Variants in GGT7 observed in about 807,000 individuals in gnomAD.
GGT7 encodes glutathione hydrolase 7.
GGT7 carries 30 observed loss-of-function variants against 69.2 expected under a neutral mutation model. The ratio of observed to expected loss-of-function variants is 0.43; its 90% CI spans 0.32 to 0.59. GGT7 has a LOEUF of 0.59. GGT7 is among the 20% of genes least tolerant of loss of function. The probability of loss-of-function intolerance (pLI) is 0.05; values close to 1 mark genes in which losing one functional copy is unlikely to be tolerated. For synonymous variants in GGT7, 388 were observed against 391.8 expected (o/e 0.99, Z 0.12); for missense variants, 733 against 901.1 (o/e 0.81, Z 2.39).
rs1391686862 is a variant in GGT7, at chr20:34,872,778, A to G, written c.38T>C (p.Leu13Pro). 7 of 1,424,088 alleles carry G rather than the reference A, an allele frequency of 4.9e-6. No homozygotes were observed. The highest frequency in any genetic ancestry group is 6.5e-6 in the Non-Finnish European group (7 of 1,083,540). The allele number at this position is 1,424,088 out of a possible 1,614,324, so 88.2% of individuals were successfully genotyped here. A position where few individuals can be genotyped will look rare whatever the true frequency, so the allele number is the denominator to read the frequency against. Reference protein sequence around the residue: ...AENEASQESALGAYSPVDYMS... With the variant: ...AENEASQESAPGAYSPVDYMS... Reference sequence around the variant, plus strand: ...GTAGTCCACTGGCGAGTAGGCGCCCAGGGCGCTCTCCTGGCTGGCCTCGTT... The same window carrying G: ...GTAGTCCACTGGCGAGTAGGCGCCCGGGGCGCTCTCCTGGCTGGCCTCGTT... The change falls in exon 1 of 15, where the codon CTG (leucine) becomes CCG (proline). Residue 13 changes from leucine (L) to proline (P), a missense_variant. Physicochemically the swap from Leu to Pro is moderately conservative, Grantham distance 98. Coordinates refer to ENST00000336431, the MANE Select transcript of GGT7 (RefSeq NM_178026.3).
chr20:34,863,825 C>T lies in GGT7; in HGVS notation c.170-277G>A. The T allele has an allele frequency of 4.6e-6, 3 of 657,736 alleles. No homozygotes were observed. Among genetic ancestry groups the T allele is most frequent in the Non-Finnish European group, 8.6e-6 (3 of 348,276 alleles). The allele number at this position is 657,736 out of a possible 1,614,324, so 40.7% of individuals were successfully genotyped here. A position where few individuals can be genotyped will look rare whatever the true frequency, so the allele number is the denominator to read the frequency against. On this transcript the variant is annotated intron_variant, in intron 1 of 14. Transcript: ENST00000336431. This position sits in a 1 kb window ranked among gnomAD's most constrained non-coding sequence, Gnocchi z 4.4. ...AGGCCAAATTTCCTGGCACCCAGGG[C>T]CCAGGGCTGAGAACACTTCCTGGGG...
chr20:34,872,774 G>A lies in GGT7; in HGVS notation c.42C>T (p.Gly14=). The change falls in exon 1 of 15, where the codon GGC becomes GGT. Residue 14 remains glycine (G), a synonymous_variant. Coordinates refer to ENST00000336431, the MANE Select transcript of GGT7 (RefSeq NM_178026.3). Reference sequence around the variant, plus strand: ...TCATGTAGTCCACTGGCGAGTAGGCGCCCAGGGCGCTCTCCTGGCTGGCCT... The same window carrying A: ...TCATGTAGTCCACTGGCGAGTAGGCACCCAGGGCGCTCTCCTGGCTGGCCT... ...ENEASQESAL[G]AYSPVDYMSI... The A allele has an allele frequency of 1.4e-6, 2 of 1,427,412 alleles. No individual in the cohort carries two copies. Among genetic ancestry groups the A allele is most frequent in the African/African-American group, 1.5e-5 (1 of 66,910 alleles). The allele number at this position is 1,427,412 out of a possible 1,614,324, so 88.4% of individuals were successfully genotyped here. A position where few individuals can be genotyped will look rare whatever the true frequency, so the allele number is the denominator to read the frequency against.
At position 34,846,600 on chromosome 20, in the gene GGT7, G is replaced by A. The variant is rs568134348; in HGVS notation, c.1826-1109C>T. On this transcript the variant is annotated intron_variant, in intron 14 of 14. Coordinates refer to ENST00000336431, the MANE Select transcript of GGT7 (RefSeq NM_178026.3). ...GCTAGGATTACAGGCGTGAGCCACC[G>A]CGCCTGGCCCCCTGCCTTTCTTATA... Among the ~76,000 whole-genome samples the A allele has an allele frequency of 1.6e-4, 25 of 151,992 alleles. No individual in the cohort carries two copies. The South Asian group carries it at 2.1e-3, about 13-fold the overall frequency.
intron 1 of GGT7, among the ~76,000 whole-genome samples, chr20:34,871,560 G>A (rs2079778569): frequency 6.6e-6 from 1 of 152,184 alleles, no homozygotes; most frequent in South Asian, 2.1e-4. Flanking sequence ...CCCATACAGA[G>A]TGCAGTCCAG....
At chr20:34,862,787 G>A in intron 3 of GGT7, 27 bp downstream of exon 3, 1 of 1,613,148 alleles carries the variant, frequency 6.2e-7, no homozygotes. Context: ...GTAGGCCTGG[G>A]GGACCCCGAC....
At position 34,872,819 on chromosome 20, in the gene GGT7, C is replaced by G; in HGVS notation, c.-4G>C. 2 of 1,339,544 alleles carry G rather than the reference C, an allele frequency of 1.5e-6. No homozygotes were observed. The highest frequency in any genetic ancestry group is 4.0e-5 in the Admixed American group (1 of 25,042). The allele number at this position is 1,339,544 out of a possible 1,614,324, so 83.0% of individuals were successfully genotyped here. On this transcript the variant is annotated 5_prime_UTR_variant, in exon 1 of 15. Coordinates refer to ENST00000336431, the MANE Select transcript of GGT7 (RefSeq NM_178026.3). ...TGGCCTCGTTCTCCGCCGCCATCCT[C>G]GCCCGCGCCCCCCAGCAGCGCAGCG...
At chr20:34,871,710 G>A (rs2079781106) in intron 1 of GGT7, among the ~76,000 whole-genome samples, 2 of 152,240 alleles carry the variant, frequency 1.3e-5, no homozygotes, top group East Asian at 1.9e-4. Flanking sequence ...TAAGAGACAA[G>A]GCTCAAGTGC....
At chr20:34,866,558 T>C (rs1318375715) in intron 1 of GGT7, among the ~76,000 whole-genome samples, 4 of 151,920 alleles carry the variant, frequency 2.6e-5, no homozygotes, top group Admixed American at 2.6e-4. Context: ...TTTTTTTTTT[T>C]TATCATGAAC....
In GGT7 at chr20:34,862,806, C is replaced by T. The variant is rs1289501919; in HGVS notation, c.557+8G>A. The T allele has an allele frequency of 3.1e-6, 5 of 1,613,764 alleles. No homozygotes were observed. The highest frequency in any genetic ancestry group is 2.7e-5 in the African/African-American group (2 of 74,876). The stretch of plus-strand genomic sequence containing the variant: ...GCCTGGGGGACCCCGACCTCCACTG[C>T]TCCTTACCCGCCCAGGCCAGAACTG... On this transcript the variant is annotated splice_region_variant and intron_variant, in intron 3 of 14. Transcript: ENST00000336431.
At position 34,845,475 on chromosome 20, in the gene GGT7, T is replaced by C. The variant is rs1435727285; in HGVS notation, c.1842A>G (p.Glu614=). The change falls in exon 15 of 15, where the codon GAA becomes GAG. Residue 614 remains glutamate, a synonymous_variant. Transcript: ENST00000336431. The part of the protein sequence containing the change: ...LLQVDSEFTE[E]EIEFLEARGH... Reference sequence around the variant, plus strand: ...CCCTGGCTTCCAGGAACTCAATCTCTTCCTCTGTGAACTCACCTGAAAACC... The same window carrying C: ...CCCTGGCTTCCAGGAACTCAATCTCCTCCTCTGTGAACTCACCTGAAAACC... 6.2e-7 allele frequency: 1 copy of C among 1,612,918 alleles called. No homozygotes were observed. The highest frequency in any genetic ancestry group is 8.5e-7 in the Non-Finnish European group (1 of 1,179,028).
At chr20:34,850,879 A>G (rs1212209238) in intron 13 of GGT7, 4 of 586,612 alleles carry the variant, frequency 6.8e-6, no homozygotes, top group Non-Finnish European at 1.3e-5. Flanking sequence ...CCTTCCTTTC[A>G]AATCCCACCC....
At chr20:34,860,219 CG>C in intron 5 of GGT7, 34 bp downstream of exon 5, 1 of 1,517,760 alleles carries the variant, frequency 6.6e-7, no homozygotes, top group Non-Finnish European at 9.2e-7. Context: ...GAGATGCAAA[CG>C]GGGGTCCCTG....
chr20:34,871,053 C>G (rs1601251056), intron 1 of GGT7, among the ~76,000 whole-genome samples: 2 of 152,196 alleles, frequency 1.3e-5, no homozygotes, highest in East Asian at 3.8e-4. Flanking sequence ...CAGGCATGAG[C>G]CACCGCGCCC....
chr20:34,846,876 A>C (rs1023233830), intron 14 of GGT7, among the ~76,000 whole-genome samples: 1 of 152,086 alleles, frequency 6.6e-6, no homozygotes, highest in African/African-American at 2.4e-5. Context: ...TCCCTTTAGA[A>C]GGCCAAACAT....
In GGT7 at chr20:34,872,851, G is replaced by A; in HGVS notation, c.-36C>T. On this transcript the variant is annotated 5_prime_UTR_variant, in exon 1 of 15. Transcript: ENST00000336431. ...GCCCCCCAGCAGCGCAGCGCCTGCC[G>A]GAAGTGGCTGCGGCGGGGGAGTGGG... 7.6e-7 allele frequency: 1 copy of A among 1,317,480 alleles called. No homozygotes were observed. The allele number at this position is 1,317,480 out of a possible 1,614,324, so 81.6% of individuals were successfully genotyped here.
chr20:34,860,652 T>G (rs1568938954), intron 4 of GGT7, among the ~76,000 whole-genome samples: 1 of 150,204 alleles, frequency 6.7e-6, no homozygotes, highest in African/African-American at 2.4e-5. Context: ...TTTTTTTTTT[T>G]TTTTTTTTTT....
chr20:34,863,214 C>T lies in GGT7; in HGVS notation c.405+99G>A. On this transcript the variant is annotated intron_variant, in intron 2 of 14. Transcript: ENST00000336431. This position sits in a 1 kb window ranked among gnomAD's most constrained non-coding sequence, Gnocchi z 4.4. ...CTCCCAAGTCACCACCCTCTCTCCC[C>T]TTCTACCACTCAGCCATTCCCCAGT... 1.0e-6 allele frequency: 1 copy of T among 967,666 alleles called. No individual in the cohort carries two copies. 59.9% of individuals were successfully genotyped at this position (967,666 alleles called of 1,614,324 possible).
At chr20:34,870,481 T>G (rs6120748) in intron 1 of GGT7, among the ~76,000 whole-genome samples, 51,320 of 152,072 alleles carry the variant, frequency 0.34, 9,125 homozygotes, top group Middle Eastern at 0.41. Context: ...GAGGGTTTTT[T>G]TTGTTGTTGT....
chr20:34,871,726 C>T (rs2079781423), intron 1 of GGT7, among the ~76,000 whole-genome samples: 2 of 152,202 alleles, frequency 1.3e-5, no homozygotes, highest in Admixed American at 1.3e-4. Context: ...AGTGCAGGCA[C>T]TGCGAGGAAG....
Sources: gnomAD v4.1 joint callset for allele counts (sites outside exome capture counted in the v4.1 genomes callset) on GRCh38, gnomAD v4.1.1 for gene constraint, Gnocchi (gnomAD v3.1) non-coding constraint, MANE v1.5 for transcripts, NCBI Gene and HGNC (gene_info 2026-07-23, HGNC 2026-07-21) for gene names.